Variants in CHID1 observed in about 807,000 individuals in gnomAD.
The protein encoded by CHID1 is chitinase domain containing 1, also known as chitinase domain-containing protein 1.
CHID1 carries 44 observed loss-of-function variants against 55.4 expected under a neutral mutation model. The ratio of observed to expected loss-of-function variants is 0.79; its 90% CI spans 0.62 to 1.02. CHID1 has a LOEUF of 1.02. CHID1 is among the 50% of genes least tolerant of loss of function. CHID1 has a pLI of 0.00. For synonymous variants in CHID1, 216 were observed against 212.9 expected (o/e 1.01, Z -0.13); for missense variants, 491 against 515.3 (o/e 0.95, Z 0.46).
At chr11:896,048 C>T (rs1316938974) in intron 7 of CHID1, among the ~76,000 whole-genome samples, 9 of 152,106 alleles carry the variant, frequency 5.9e-5, no homozygotes, top group Non-Finnish European at 1.3e-4. Flanking sequence ...AATGACCCGT[C>T]GAGCCCTGAC....
In CHID1 at chr11:895,014, C is replaced by T. The variant is rs115405384; in HGVS notation, c.609-1495G>A. 2.0e-3 allele frequency among the ~76,000 whole-genome samples: 308 copies of T among 152,308 alleles called. 2 individuals carry two copies. Among genetic ancestry groups the T allele is most frequent in the African/African-American group, 7.1e-3 (297 of 41,564 alleles). ...AGTGTCTTTGGGCAGCCCGTCCTCACGCCTCTGCAGCTGTGTCCACAACTC... is the reference window on the plus strand; with the variant it reads ...AGTGTCTTTGGGCAGCCCGTCCTCATGCCTCTGCAGCTGTGTCCACAACTC... On this transcript the variant is annotated intron_variant, in intron 7 of 12. Transcript: ENST00000323578.
chr11:901,387 TCA>T (rs894875991), intron 4 of CHID1, among the ~76,000 whole-genome samples: 2 of 152,146 alleles, frequency 1.3e-5, no homozygotes, highest in African/African-American at 2.4e-5. Context: ...CACGGTTCTC[TCA>T]GTGTCAGGGA....
At chr11:891,232 G>A (rs992139255) in intron 8 of CHID1, among the ~76,000 whole-genome samples, 1 of 152,130 alleles carries the variant, frequency 6.6e-6, no homozygotes, top group South Asian at 2.1e-4. Context: ...CTCCAGTGGA[G>A]CGGGCGCACA....
chr11:914,701 C>G (rs533444171), upstream of CHID1: 23 of 421,146 alleles, frequency 5.5e-5, no homozygotes, highest in South Asian at 4.7e-4. Flanking sequence ...CCAGCCTGGG[C>G]GACAGATAGG....
chr11:893,617 C>A, intron 7 of CHID1, 98 bp from the exon 8 acceptor site: 3 of 920,870 alleles, frequency 3.3e-6, no homozygotes, highest in South Asian at 1.7e-5. Flanking sequence ...GGGGCTGGTC[C>A]CCAGCCTGAC....
Position 898,472 on chromosome 11 carries a change from G to A in CHID1, c.608+868C>T, listed in dbSNP as rs1436334049. Among the ~76,000 whole-genome samples, 7 of 152,250 alleles carry A rather than the reference G, an allele frequency of 4.6e-5. No individual in the cohort carries two copies. The South Asian group carries it at 8.3e-4, about 18-fold the overall frequency. On this transcript the variant is annotated intron_variant, in intron 7 of 12. Coordinates refer to ENST00000323578, the MANE Select transcript of CHID1 (RefSeq NM_023947.4). ...GGTGGAGACCGCACCATCCTCGCTC[G>A]TTGCAACCAGTGGAGTGAGAGGAGT...
intron 8 of CHID1, among the ~76,000 whole-genome samples, chr11:890,637 C>T (rs753357542): frequency 1.3e-5 from 2 of 152,260 alleles, no homozygotes; most frequent in Non-Finnish European, 2.9e-5. Flanking sequence ...CCCAAGGGTT[C>T]TGCTCCCATG....
chr11:909,227 T>C (rs1852456727), intron 1 of CHID1, among the ~76,000 whole-genome samples: 2 of 152,214 alleles, frequency 1.3e-5, no homozygotes, highest in Admixed American at 6.5e-5. Context: ...ACACTCTCCA[T>C]CATGCTCTTC....
At chr11:905,755 A>G (rs936515313) in intron 1 of CHID1, among the ~76,000 whole-genome samples, 6 of 152,072 alleles carry the variant, frequency 3.9e-5, no homozygotes, top group African/African-American at 1.4e-4. Context: ...GTACTAGGAG[A>G]AAATATAGCT....
At chr11:880,012 C>T (rs1459532675) in intron 10 of CHID1, among the ~76,000 whole-genome samples, 1 of 152,228 alleles carries the variant, frequency 6.6e-6, no homozygotes. Context: ...CACAGGAGCA[C>T]AGAGCAGCCC....
rs765941546 is a variant in CHID1, at chr11:902,370, T to C, written c.262-40A>G. 10 of 1,595,290 alleles carry C rather than the reference T, an allele frequency of 6.3e-6. No individual in the cohort carries two copies. The South Asian group carries it at 9.9e-5, about 16-fold the overall frequency. ...AGACATCAGACGGAGGACAGGTGAG[T>C]GAGCACCTGTCTCACCATGGTGCTG... is the stretch of plus-strand genomic sequence containing the variant. On this transcript the variant is annotated intron_variant, in intron 3 of 12. Transcript: ENST00000323578.
rs567977436 is a variant in CHID1, at chr11:869,406, T to G, written c.*452A>C. The G allele has an allele frequency of 1.1e-4, 19 of 179,640 alleles. No individual in the cohort carries two copies. The highest frequency in any genetic ancestry group is 2.5e-3 in the Middle Eastern group (1 of 400). 11.1% of individuals were successfully genotyped at this position (179,640 alleles called of 1,614,324 possible). ...GGTGGCAGGTATGTGGGGGTGGAGC[T>G]CTCAGCTCTATCACTGCCAGGCCCT... On this transcript the variant is annotated 3_prime_UTR_variant, in exon 13 of 13. Coordinates refer to ENST00000323578, the MANE Select transcript of CHID1 (RefSeq NM_023947.4).
At chr11:902,139 C>T (rs773767182) in intron 4 of CHID1, 59 bp downstream of exon 4, 8 of 1,602,586 alleles carry the variant, frequency 5.0e-6, no homozygotes, top group East Asian at 2.2e-5. Flanking sequence ...CCCCTGCTCT[C>T]GCACTCACAC....
intron 10 of CHID1, among the ~76,000 whole-genome samples, chr11:876,032 C>T (rs1303811501): frequency 6.6e-6 from 1 of 152,022 alleles, no homozygotes; most frequent in Non-Finnish European, 1.5e-5. Context: ...TTAGGGCGGT[C>T]GCAGCTAATA....
rs866905325 is a variant in CHID1 at position 900,353 on chromosome 11, C to T, written c.440-243G>A. On this transcript the variant is annotated intron_variant, in intron 5 of 12. Coordinates refer to ENST00000323578, the MANE Select transcript of CHID1 (RefSeq NM_023947.4). ...GACACTGACAGTCCTGGTCCCCTGA[C>T]ACCAGCTCCCCACACGGCTCAGCAT... 5.9e-5 allele frequency among the ~76,000 whole-genome samples: 9 copies of T among 152,184 alleles called. No individual in the cohort carries two copies. The South Asian group carries it at 1.9e-3, about 31-fold the overall frequency.
upstream of CHID1, among the ~76,000 whole-genome samples, chr11:912,055 C>T (rs1170526781): frequency 6.6e-6 from 1 of 152,252 alleles, no homozygotes; most frequent in East Asian, 1.9e-4. Context: ...GATCGGGCAG[C>T]CGCCGCCTTT....
chr11:878,231 T>G lies in CHID1; in HGVS notation c.959+4917A>C, dbSNP rs1012312817. 2.0e-5 allele frequency among the ~76,000 whole-genome samples: 3 copies of G among 152,300 alleles called. No homozygotes were observed. In the South Asian group the frequency reaches 6.2e-4, roughly 32 times the overall value. On this transcript the variant is annotated intron_variant, in intron 10 of 12. Coordinates refer to ENST00000323578, the MANE Select transcript of CHID1 (RefSeq NM_023947.4). ...GAGTTTGAGACCAGCCTGGCCGACA[T>G]AGCAAAACCCTGTCTCTACTAAAAA... is the stretch of plus-strand genomic sequence containing the variant.
chr11:882,086 G>A (rs1849995143), intron 10 of CHID1, among the ~76,000 whole-genome samples: 1 of 152,116 alleles, frequency 6.6e-6, no homozygotes, highest in African/African-American at 2.4e-5. Flanking sequence ...CAGCACTTTG[G>A]GAGGCCAAGG....
chr11:891,502 C>G (rs1392336253), intron 8 of CHID1, among the ~76,000 whole-genome samples: 1 of 152,196 alleles, frequency 6.6e-6, no homozygotes, highest in Non-Finnish European at 1.5e-5. Context: ...CTGCCACCAG[C>G]AGAAGACAGG....
Sources: gnomAD v4.1 joint callset for allele counts (sites outside exome capture counted in the v4.1 genomes callset) on GRCh38, gnomAD v4.1.1 for gene constraint, MANE v1.5 for transcripts, NCBI Gene and HGNC (gene_info 2026-07-23, HGNC 2026-07-21) for gene names.